The following PALLD variants were observed in gnomAD, a reference collection of about 807,000 sequenced individuals.
PALLD encodes palladin.
A neutral mutation model predicts 123.5 loss-of-function variants in PALLD; 61 were observed. That is an observed-to-expected ratio of 0.49 (90% CI 0.40 to 0.61). The LOEUF is 0.61. Ranked by LOEUF, PALLD falls within the 20% of genes least tolerant of loss-of-function variation. The pLI is 0.00. For synonymous variants in PALLD, 465 were observed against 496.4 expected (o/e 0.94, Z 0.84); for missense variants, 1,273 against 1,377.0 (o/e 0.92, Z 1.20).
intron 9 of PALLD, among the ~76,000 whole-genome samples, chr4:168,709,364 G>T (rs1784506161): frequency 6.6e-6 from 1 of 151,318 alleles, no homozygotes; most frequent in African/African-American, 2.4e-5. Context: ...ACAAAAATTA[G>T]CTGAGTGTGG....
At chr4:168,798,745 T>TGTGC (rs1190083695) in intron 10 of PALLD, among the ~76,000 whole-genome samples, 8 of 152,230 alleles carry the variant, frequency 5.3e-5, no homozygotes, top group Non-Finnish European at 1.0e-4. Flanking sequence ...GTTTTAAATT[T>TGTGC]TTTCAAAATA....
At chr4:168,685,810 G>GAAAAAAAAAAAAAA (rs70961550) in intron 6 of PALLD, among the ~76,000 whole-genome samples, 1 of 65,632 alleles carries the variant, frequency 1.5e-5, no homozygotes, top group Non-Finnish European at 2.8e-5. Flanking sequence ...AAGACAGATA[G>GAAAAAAAAAAAAAA]AAAAAAAAAA....
At chr4:168,728,933 C>G (rs1786873563) in intron 10 of PALLD, among the ~76,000 whole-genome samples, 1 of 152,136 alleles carries the variant, frequency 6.6e-6, no homozygotes, top group African/African-American at 2.4e-5. Flanking sequence ...ATTTCTTTCT[C>G]TTGCCTGATT....
At chr4:168,671,299 C>G (rs984922472) in intron 3 of PALLD, among the ~76,000 whole-genome samples, 1 of 152,176 alleles carries the variant, frequency 6.6e-6, no homozygotes, top group South Asian at 2.1e-4. Context: ...TTTGCCAGTC[C>G]TTTCAAATCA....
chr4:168,753,350 C>T (rs1461293854), intron 10 of PALLD, among the ~76,000 whole-genome samples: 1 of 151,936 alleles, frequency 6.6e-6, no homozygotes, highest in Non-Finnish European at 1.5e-5. Context: ...CCTTCCCCTG[C>T]TTCCTGACCC....
At chr4:168,749,370 A>G (rs1730728045) in intron 10 of PALLD, among the ~76,000 whole-genome samples, 1 of 151,782 alleles carries the variant, frequency 6.6e-6, no homozygotes, top group African/African-American at 2.4e-5. Context: ...ACACTACATA[A>G]TGTAACTAAT....
intron 10 of PALLD, among the ~76,000 whole-genome samples, chr4:168,745,927 A>G (rs1730228419): frequency 1.3e-5 from 2 of 152,132 alleles, no homozygotes; most frequent in Non-Finnish European, 2.9e-5. Context: ...AATGTGCTTT[A>G]AATGCATCTG....
At position 168,926,894 on chromosome 4, in the gene PALLD, C is replaced by G. The variant is rs1274276647; in HGVS notation, c.*714C>G. ...ATGACAAAGAAATCCAAGTAAATGC[C>G]TTGTCTTTGCAAATGTTTTTATATT... On this transcript the variant is annotated 3_prime_UTR_variant, in exon 22 of 22. Coordinates refer to ENST00000505667, the MANE Select transcript of PALLD (RefSeq NM_001166108.2). 4.6e-6 allele frequency: 1 copy of G among 219,042 alleles called. No individual in the cohort carries two copies. The highest frequency in any genetic ancestry group is 2.2e-5 in the African/African-American group (1 of 44,462). 13.6% of individuals were successfully genotyped at this position (219,042 alleles called of 1,614,324 possible). A position where few individuals can be genotyped will look rare whatever the true frequency, so the allele number is the denominator to read the frequency against.
intron 10 of PALLD, among the ~76,000 whole-genome samples, chr4:168,868,040 T>G (rs1055329463): frequency 6.6e-6 from 1 of 152,132 alleles, no homozygotes; most frequent in African/African-American, 2.4e-5. Flanking sequence ...TGGCTGCTTT[T>G]TATGTACTGG....
intron 10 of PALLD, among the ~76,000 whole-genome samples, chr4:168,816,413 A>ATATTTT (rs34003798): frequency 7.4e-5 from 10 of 135,996 alleles, no homozygotes; most frequent in East Asian, 6.5e-4. Flanking sequence ...ATATATATAT[A>ATATTTT]TTTTTTTTAA....
chr4:168,811,603 G>A (rs1238906997), intron 10 of PALLD, among the ~76,000 whole-genome samples: 1 of 152,050 alleles, frequency 6.6e-6, no homozygotes, highest in Admixed American at 6.5e-5. Context: ...GGGCATAGTG[G>A]CATGTGCCTG....
chr4:168,527,951 A>G (rs760611711), intron 2 of PALLD, among the ~76,000 whole-genome samples: 1 of 152,202 alleles, frequency 6.6e-6, no homozygotes, highest in South Asian at 2.1e-4. Context: ...TGTGTTCAGG[A>G]AAGTGCATCC....
chr4:168,690,927 G>T (rs1389136312), intron 7 of PALLD, among the ~76,000 whole-genome samples, 183 bp downstream of exon 7: 4 of 152,158 alleles, frequency 2.6e-5, no homozygotes, highest in Non-Finnish European at 5.9e-5. Flanking sequence ...ACACTCTAAT[G>T]AAAGTCATAT....
At chr4:168,686,715 A>G (rs1293580317) in intron 6 of PALLD, 1 of 152,220 alleles carries the variant, frequency 6.6e-6, no homozygotes, top group Non-Finnish European at 1.5e-5. Context: ...CAAAGCAAGC[A>G]CAGGTTCCTG....
chr4:168,610,987 A>T (rs114660518), intron 2 of PALLD, among the ~76,000 whole-genome samples: 2,227 of 152,210 alleles, frequency 0.015, 57 homozygotes, highest in African/African-American at 0.051. Context: ...TCTGTCTCCC[A>T]CCTACTAATA....
In PALLD at chr4:168,668,200, G is replaced by A. The variant is rs758865445; in HGVS notation, c.919G>A (p.Glu307Lys). 1.9e-5 allele frequency: 30 copies of A among 1,613,920 alleles called. 1 individual carries two copies. In the Admixed American group the frequency reaches 5.0e-4, roughly 27 times the overall value. ...NPTPRVRWFCEGKELHNTPDI... is the reference protein window; with the variant it reads ...NPTPRVRWFCKGKELHNTPDI... The stretch of plus-strand genomic sequence containing the variant: ...CCATTTGGCCTGCAGATGGTTCTGT[G>A]AAGGGAAAGAACTGCACAACACTCC... Residue 307 changes from glutamate to lysine, a missense_variant, in exon 3 of 22, where the codon GAA becomes AAA. Glu to Lys is a moderately conservative substitution (Grantham distance 56). Coordinates refer to ENST00000505667, the MANE Select transcript of PALLD (RefSeq NM_001166108.2).
At chr4:168,715,615 T>C (rs1293154532) in intron 10 of PALLD, among the ~76,000 whole-genome samples, 1 of 152,170 alleles carries the variant, frequency 6.6e-6, no homozygotes, top group Non-Finnish European at 1.5e-5. Flanking sequence ...AAGGTAGGGC[T>C]CACTGTGAAA....
At chr4:168,828,506 G>A (rs953785610) in intron 10 of PALLD, among the ~76,000 whole-genome samples, 6 of 152,166 alleles carry the variant, frequency 3.9e-5, no homozygotes, top group Admixed American at 2.0e-4. Flanking sequence ...TCAATCAGTC[G>A]ATTGATAAAT....
intron 10 of PALLD, among the ~76,000 whole-genome samples, chr4:168,821,059 A>G (rs1439084468): frequency 2.6e-5 from 4 of 152,196 alleles, no homozygotes; most frequent in African/African-American, 9.6e-5. Flanking sequence ...TTGCTTGTCC[A>G]CAACATCCAA....
Sources: allele counts gnomAD v4.1 joint callset (sites outside exome capture counted in the v4.1 genomes callset), GRCh38; gene constraint gnomAD v4.1.1; transcripts MANE v1.5; gene names NCBI Gene and HGNC (gene_info 2026-07-23, HGNC 2026-07-21).